Variants in ARHGAP26 observed in about 807,000 individuals in gnomAD.
ARHGAP26 encodes Rho GTPase activating protein 26.
ARHGAP26 carries 38 observed loss-of-function variants against 104.8 expected under a neutral mutation model. The ratio of observed to expected loss-of-function variants is 0.36; its 90% CI spans 0.28 to 0.48. The LOEUF (loss-of-function observed/expected upper bound fraction) is 0.48, where lower values mean the gene tolerates loss of function less well. Ranked by LOEUF, ARHGAP26 falls within the 20% of genes least tolerant of loss-of-function variation. The probability of loss-of-function intolerance (pLI) is 0.99; values close to 1 mark genes in which losing one functional copy is unlikely to be tolerated. For synonymous variants in ARHGAP26, 341 were observed against 340.0 expected, an observed-to-expected ratio of 1.00 and a Z score of -0.03; for missense variants, 704 against 947.9, an observed-to-expected ratio of 0.74 and a Z score of 3.38.
intron 1 of ARHGAP26, among the ~76,000 whole-genome samples, chr5:142,813,310 C>A (rs1764483139): frequency 6.6e-6 from 1 of 152,188 alleles, no homozygotes; most frequent in Admixed American, 6.5e-5. Flanking sequence ...CCTGGGTTCC[C>A]AGCCTCTGAA....
intron 1 of ARHGAP26, among the ~76,000 whole-genome samples, chr5:142,786,432 G>A (rs576946578): frequency 1.4e-4 from 22 of 152,022 alleles, no homozygotes; most frequent in Non-Finnish European, 3.2e-4. Context: ...GAGTAGCTGG[G>A]ACTAGAGGAG....
intron 11 of ARHGAP26, among the ~76,000 whole-genome samples, chr5:143,003,508 C>T (rs1777488853): frequency 6.6e-6 from 1 of 152,184 alleles, no homozygotes. Context: ...GCATAGATCA[C>T]TTCCCCTAAA....
chr5:142,866,549 A>G (rs35136598), intron 1 of ARHGAP26, among the ~76,000 whole-genome samples: 9,662 of 152,262 alleles, frequency 0.063, 431 homozygotes, highest in East Asian at 0.18. Flanking sequence ...GAGTTTGGGT[A>G]GCCCAAATTA....
rs148463270 is a variant in ARHGAP26, at chr5:143,148,038, A to G, written c.1988+657A>G. Among the ~76,000 whole-genome samples the G allele has an allele frequency of 2.9e-3, 442 of 152,268 alleles. 3 individuals are homozygous for G. The highest frequency in any genetic ancestry group is 0.01 in the African/African-American group (428 of 41,554). On this transcript the variant is annotated intron_variant, in intron 20 of 22. Transcript: ENST00000645722. ...CAGAAAGTTCTCCCTCATGGTTTCAACCCCACATTGCTTCACATGCTTCCT... is the reference window on the plus strand; with the variant it reads ...CAGAAAGTTCTCCCTCATGGTTTCAGCCCCACATTGCTTCACATGCTTCCT...
chr5:143,126,397 C>A (rs1287916184), intron 18 of ARHGAP26, among the ~76,000 whole-genome samples: 1 of 152,174 alleles, frequency 6.6e-6, no homozygotes, highest in East Asian at 1.9e-4. Flanking sequence ...GAACTGACTT[C>A]TGAAAACTGG....
At chr5:142,812,923 TTTTCTTTTTTTTTC>T (rs1739402264) in intron 1 of ARHGAP26, among the ~76,000 whole-genome samples, 1 of 148,868 alleles carries the variant, frequency 6.7e-6, no homozygotes, top group African/African-American at 2.5e-5. Flanking sequence ...TATAATTTCT[TTTTCTTTTTTTTTC>T]TTTCTTTTTT....
intron 10 of ARHGAP26, among the ~76,000 whole-genome samples, chr5:142,927,420 T>G (rs894974466): frequency 1.3e-5 from 2 of 152,144 alleles, no homozygotes; most frequent in Admixed American, 6.5e-5. Context: ...AGTCACACAG[T>G]CACATAATCT....
At chr5:142,980,166 G>C (rs1303135852) in intron 11 of ARHGAP26, among the ~76,000 whole-genome samples, 1 of 152,050 alleles carries the variant, frequency 6.6e-6, no homozygotes, top group East Asian at 1.9e-4. Context: ...TCTACTCTTT[G>C]TGTGTGGCTC....
At chr5:142,890,152 ATATATATATATATATATATATATAT>A (rs1347197596) in intron 5 of ARHGAP26, among the ~76,000 whole-genome samples, 29 of 21,930 alleles carry the variant, frequency 1.3e-3, no homozygotes, top group African/African-American at 3.4e-3. Context: ...AAAAAAAAAA[ATATATATATATATATATATATATAT>A]ATATATATAT....
intron 20 of ARHGAP26, among the ~76,000 whole-genome samples, chr5:143,180,939 A>G (rs1804243450): frequency 6.6e-6 from 1 of 152,124 alleles, no homozygotes; most frequent in Non-Finnish European, 1.5e-5. Flanking sequence ...CCCTGCACCC[A>G]CACCTGTGTG....
chr5:142,967,520 G>T (rs533005321), intron 11 of ARHGAP26, among the ~76,000 whole-genome samples: 36 of 152,270 alleles, frequency 2.4e-4, no homozygotes, highest in Middle Eastern at 3.4e-3. Flanking sequence ...GGTGGCTCAC[G>T]CCTGTAATCC....
chr5:143,213,979 ACTC>A lies in ARHGAP26; in HGVS notation c.2100-15_2100-13del, dbSNP rs758062882. The stretch of plus-strand genomic sequence containing the variant: ...GGGTTTTTTCAAAAATGTTAAATAA[ACTC>A]CTGTTTTCACACAGCACACCGTTCC... On this transcript the variant is annotated splice_polypyrimidine_tract_variant and intron_variant, in intron 21 of 22. Transcript: ENST00000645722. 3.3e-6 allele frequency: 5 copies of A among 1,523,934 alleles called. No individual in the cohort carries two copies. In the East Asian group the frequency reaches 6.9e-5, roughly 21 times the overall value. 94.4% of individuals were successfully genotyped at this position (1,523,934 alleles called of 1,614,324 possible). A position where few individuals can be genotyped will look rare whatever the true frequency, so the allele number is the denominator to read the frequency against.
intron 18 of ARHGAP26, among the ~76,000 whole-genome samples, chr5:143,124,315 G>A (rs907042365): frequency 7.9e-5 from 12 of 152,214 alleles, no homozygotes; most frequent in African/African-American, 2.2e-4. Flanking sequence ...CTCCATTGAC[G>A]GAGAGACGAA....
intron 18 of ARHGAP26, among the ~76,000 whole-genome samples, chr5:143,124,443 G>C (rs1342231312): frequency 6.6e-6 from 1 of 152,202 alleles, no homozygotes; most frequent in African/African-American, 2.4e-5. Flanking sequence ...AATTTGAGAA[G>C]GGCTTATGTG....
intron 9 of ARHGAP26, among the ~76,000 whole-genome samples, chr5:142,908,328 T>A: frequency 6.6e-6 from 1 of 152,324 alleles, no homozygotes; most frequent in Non-Finnish European, 1.5e-5. Context: ...AGGTTTCTCA[T>A]AAAGTACTAA....
intron 12 of ARHGAP26, chr5:143,014,326 A>G: frequency 1.7e-6 from 1 of 604,388 alleles, no homozygotes; most frequent in South Asian, 2.0e-5. Context: ...GCTGTAGTGT[A>G]GTGACACCTT....
At chr5:143,102,848 T>A (rs1793454201) in intron 17 of ARHGAP26, among the ~76,000 whole-genome samples, 1 of 152,160 alleles carries the variant, frequency 6.6e-6, no homozygotes, top group South Asian at 2.1e-4. Flanking sequence ...CTCCCTTGCT[T>A]GCTTTGTCCT....
intron 1 of ARHGAP26, among the ~76,000 whole-genome samples, chr5:142,813,077 G>C (rs115390691): frequency 6.6e-6 from 1 of 151,598 alleles, no homozygotes; most frequent in African/African-American, 2.4e-5. Context: ...AGCTGGGACT[G>C]TAGGTGCCGG....
intron 20 of ARHGAP26, among the ~76,000 whole-genome samples, chr5:143,179,361 C>T (rs1042424425): frequency 3.9e-5 from 6 of 152,204 alleles, no homozygotes; most frequent in African/African-American, 1.4e-4. Flanking sequence ...GCGAAGAGAG[C>T]TGTGGGAGCC....
Sources: allele counts gnomAD v4.1 joint callset (sites outside exome capture counted in the v4.1 genomes callset), GRCh38; gene constraint gnomAD v4.1.1; transcripts MANE v1.5; gene names NCBI Gene and HGNC (gene_info 2026-07-23, HGNC 2026-07-21).